Variants in WWP1 observed in about 807,000 individuals in gnomAD.
WWP1 encodes the protein NEDD4-like E3 ubiquitin-protein ligase WWP1.
In WWP1, 49 loss-of-function variants were observed where a neutral mutation model predicts 130.6. That is an observed-to-expected ratio of 0.38 (90% CI 0.30 to 0.48). The LOEUF is 0.48. Among genes scored for constraint, WWP1 ranks in the 20% least tolerant of loss-of-function variants. The pLI is 0.99. For missense variants in WWP1, 809 were observed against 1,100.6 expected (o/e 0.74, Z 3.75); for synonymous variants, 332 against 367.8 (o/e 0.90, Z 1.11).
chr8:86,373,737 G>T (rs1287413843), intron 2 of WWP1, among the ~76,000 whole-genome samples: 1 of 152,080 alleles, frequency 6.6e-6, no homozygotes, highest in Admixed American at 6.5e-5. Flanking sequence ...CCTTTGCTTG[G>T]TATGGGAATC....
chr8:86,463,098 T>G (rs1228593685), intron 24 of WWP1, among the ~76,000 whole-genome samples: 5 of 152,128 alleles, frequency 3.3e-5, no homozygotes, highest in African/African-American at 7.2e-5. Flanking sequence ...TAGCTTGCTT[T>G]CTTTTATGGA....
chr8:86,370,049 G>C (rs1006367013), intron 2 of WWP1, among the ~76,000 whole-genome samples: 1 of 152,116 alleles, frequency 6.6e-6, no homozygotes, highest in African/African-American at 2.4e-5. Flanking sequence ...AAACCTCTCT[G>C]ATTCCATATT....
intron 9 of WWP1, among the ~76,000 whole-genome samples, chr8:86,412,517 C>G (rs151241822): frequency 9.9e-5 from 15 of 152,230 alleles, no homozygotes; most frequent in African/African-American, 2.9e-4. Flanking sequence ...TTTAGTGATT[C>G]ACAGTTGTAA....
chr8:86,447,809 C>CAGGT (rs1810966130), intron 18 of WWP1, among the ~76,000 whole-genome samples: 1 of 152,140 alleles, frequency 6.6e-6, no homozygotes, highest in African/African-American at 2.4e-5. Flanking sequence ...GCTGCCTTTT[C>CAGGT]AGGTGCACAG....
rs531422895 is a variant in WWP1, at chr8:86,430,791, A to C, written c.1387+40A>C. On this transcript the variant is annotated intron_variant, in intron 12 of 24. Coordinates refer to ENST00000517970, the MANE Select transcript of WWP1 (RefSeq NM_007013.4). ...CTAATGATCTATAAGGGAGATATAT[A>C]TCTCTCCATATATATATATATATAT... is the stretch of plus-strand genomic sequence containing the variant. 262 of 505,028 alleles carry C rather than the reference A, an allele frequency of 5.2e-4. 4 individuals are homozygous for C. Among genetic ancestry groups the C allele is most frequent in the East Asian group, 7.0e-4 (13 of 18,474 alleles). The allele number at this position is 505,028 out of a possible 1,614,324, so 31.3% of individuals were successfully genotyped here. A position where few individuals can be genotyped will look rare whatever the true frequency, so the allele number is the denominator to read the frequency against.
chr8:86,346,393 A>G (rs1052870949), intron 1 of WWP1, among the ~76,000 whole-genome samples: 4 of 152,202 alleles, frequency 2.6e-5, no homozygotes, highest in African/African-American at 9.7e-5. Flanking sequence ...ACTACACTCC[A>G]GCCTGGGCAA....
At chr8:86,397,462 A>G (rs1420455906) in intron 5 of WWP1, among the ~76,000 whole-genome samples, 2 of 152,170 alleles carry the variant, frequency 1.3e-5, no homozygotes, top group Admixed American at 1.3e-4. Context: ...TGTGATGAGA[A>G]CATTTAGAAT....
intron 5 of WWP1, among the ~76,000 whole-genome samples, chr8:86,389,789 G>A (rs1481166897): frequency 8.7e-5 from 12 of 137,284 alleles, no homozygotes; most frequent in Non-Finnish European, 1.6e-4. Flanking sequence ...GGCGGAGGCC[G>A]CCCCCCACCT....
At position 86,452,593 on chromosome 8, in the gene WWP1, C is replaced by T; in HGVS notation, c.2308C>T (p.Gln770Ter). 1 of 1,612,550 alleles carries T rather than the reference C, an allele frequency of 6.2e-7. No homozygotes were observed. The highest frequency in any genetic ancestry group is 1.3e-5 in the African/African-American group (1 of 74,932). The stretch of plus-strand genomic sequence containing the variant: ...AGAATGGCGTTTTTCTCGAGGAGTA[C>T]AAGAACAGACCAAAGCTTTCCTTGA... ...MTEWRFSRGV[Q>*]EQTKAFLDGF... The change falls in exon 21 of 25, where the codon CAA becomes TAA. Residue 770 changes from glutamine to a stop codon, truncating the protein, a stop_gained. Coordinates refer to ENST00000517970, the MANE Select transcript of WWP1 (RefSeq NM_007013.4). LOFTEE classifies it high-confidence loss of function.
At chr8:86,401,639 A>G (rs1019384989) in intron 7 of WWP1, among the ~76,000 whole-genome samples, 1 of 152,104 alleles carries the variant, frequency 6.6e-6, no homozygotes, top group Middle Eastern at 3.2e-3. Flanking sequence ...AACTACTTTC[A>G]GAGCTTTTAA....
intron 5 of WWP1, among the ~76,000 whole-genome samples, chr8:86,389,565 G>A (rs1825495476): frequency 6.6e-6 from 1 of 152,200 alleles, no homozygotes; most frequent in African/African-American, 2.4e-5. Context: ...TTTCTACACA[G>A]ACACCGTAAC....
chr8:86,464,924 T>C (rs1030861818), intron 24 of WWP1, among the ~76,000 whole-genome samples: 2 of 151,976 alleles, frequency 1.3e-5, no homozygotes, highest in African/African-American at 4.8e-5. Flanking sequence ...CGCGCGCGTG[T>C]GTGTGTGTAT....
intron 10 of WWP1, 75 bp downstream of exon 10, chr8:86,425,393 G>C (rs114422861): frequency 9.1e-7 from 1 of 1,101,534 alleles, no homozygotes. Flanking sequence ...TTAGTACAGC[G>C]TAATTTGATT....
chr8:86,434,860 C>A (rs995165623), intron 14 of WWP1, among the ~76,000 whole-genome samples: 1 of 152,198 alleles, frequency 6.6e-6, no homozygotes, highest in African/African-American at 2.4e-5. Flanking sequence ...TATGAAAGTT[C>A]TTTGTGCCTG....
At chr8:86,372,634 AT>A (rs1281257233) in intron 2 of WWP1, among the ~76,000 whole-genome samples, 1 of 151,590 alleles carries the variant, frequency 6.6e-6, no homozygotes, top group Non-Finnish European at 1.5e-5. Flanking sequence ...GTCCAGTTTC[AT>A]TTTTTTTCCA....
chr8:86,390,971 G>A (rs1807302459), intron 5 of WWP1, among the ~76,000 whole-genome samples: 1 of 151,844 alleles, frequency 6.6e-6, no homozygotes, highest in African/African-American at 2.4e-5. Context: ...GTAATGGTGG[G>A]GGAGTGATTT....
chr8:86,391,588 A>G (rs1174723642), intron 5 of WWP1, among the ~76,000 whole-genome samples: 5 of 152,202 alleles, frequency 3.3e-5, no homozygotes, highest in Admixed American at 2.6e-4. Flanking sequence ...ACTTTAATCA[A>G]TAATATGTTT....
chr8:86,380,836 A>G lies in WWP1; in HGVS notation c.181A>G (p.Asn61Asp). The change falls in exon 4 of 25, where the codon AAT becomes GAT. Residue 61 changes from asparagine to aspartate, a missense_variant. Asn to Asp is a conservative substitution (Grantham distance 23). Transcript: ENST00000517970. ...TKTAKSSSSSNPKWDEQLTVN... is the reference protein window; with the variant it reads ...TKTAKSSSSSDPKWDEQLTVN... ...AACAGCAAAATCCAGTAGTTCTTCT[A>G]ATCCAAAATGGGATGAACAGCTAAC... 3.1e-6 allele frequency: 5 copies of G among 1,612,866 alleles called. No individual in the cohort carries two copies. Among genetic ancestry groups the G allele is most frequent in the Non-Finnish European group, 4.2e-6 (5 of 1,179,462 alleles).
chr8:86,396,135 G>C (rs1807647922), intron 5 of WWP1, among the ~76,000 whole-genome samples: 1 of 150,748 alleles, frequency 6.6e-6, no homozygotes, highest in South Asian at 2.1e-4. Context: ...GTCTTGGTCT[G>C]TCACCCAGGC....
Sources: gnomAD v4.1 joint callset for allele counts (sites outside exome capture counted in the v4.1 genomes callset) on GRCh38, gnomAD v4.1.1 for gene constraint, MANE v1.5 for transcripts, NCBI Gene and HGNC (gene_info 2026-07-23, HGNC 2026-07-21) for gene names.